Variants in PRELID3A observed in about 807,000 individuals in gnomAD.
The protein encoded by PRELID3A is PRELI domain containing protein 3A.
A neutral mutation model predicts 23.0 loss-of-function variants in PRELID3A; 27 were observed. The observed-to-expected ratio is 1.17, with a 90% CI of 0.87 to 1.62. PRELID3A has a LOEUF of 1.62. PRELID3A is among the 40% of genes most tolerant of loss of function. PRELID3A has a pLI of 0.00. For synonymous variants in PRELID3A, 87 were observed against 86.4 expected (o/e 1.01, Z -0.04); for missense variants, 231 against 231.4 (o/e 1.00, Z 0.01).
chr18:12,410,424 G>C (rs753592813), intron 1 of PRELID3A, among the ~76,000 whole-genome samples: 10 of 152,192 alleles, frequency 6.6e-5, no homozygotes, highest in Non-Finnish European at 1.0e-4. Flanking sequence ...GTGGCTGGCC[G>C]AGGATGCTGT....
In PRELID3A at chr18:12,407,999, C is replaced by A; in HGVS notation, c.24C>A (p.His8Gln). ...CAATGAAGATCTGGAGCTCGGAGCA[C>A]GTGTTTGGGTGAGGCCGGGCTGAGG... MKIWSSE[H>Q]VFGHPWDTVI... Residue 8 changes from histidine (H) to glutamine (Q), a missense_variant, in exon 1 of 7, where the codon CAC becomes CAA. By Grantham distance (24) the His-to-Gln change is conservative. Coordinates refer to ENST00000440960, the MANE Select transcript of PRELID3A (RefSeq NM_001142405.2). The A allele has an allele frequency of 7.7e-7, 1 of 1,292,910 alleles. No homozygotes were observed. Among genetic ancestry groups the A allele is most frequent in the African/African-American group, 1.5e-5 (1 of 64,722 alleles). 80.1% of individuals were successfully genotyped at this position (1,292,910 alleles called of 1,614,324 possible).
At chr18:12,425,099 C>T (rs1456953955) in intron 3 of PRELID3A, among the ~76,000 whole-genome samples, 3 of 150,930 alleles carry the variant, frequency 2.0e-5, no homozygotes, top group African/African-American at 4.9e-5. Flanking sequence ...GCTGAGATCG[C>T]GCCATTGCAC....
At chr18:12,412,533 C>G (rs1038296946) in intron 1 of PRELID3A, among the ~76,000 whole-genome samples, 1 of 152,176 alleles carries the variant, frequency 6.6e-6, no homozygotes, top group Admixed American at 6.5e-5. Flanking sequence ...CTATAGATGT[C>G]TACATAAATA....
intron 5 of PRELID3A, among the ~76,000 whole-genome samples, chr18:12,427,595 T>G (rs2030422902): frequency 6.6e-6 from 1 of 151,806 alleles, no homozygotes; most frequent in Admixed American, 6.6e-5. Context: ...CTCGAGAGTC[T>G]GAGACATGAG....
In PRELID3A at chr18:12,412,588, CA is replaced by C. The variant is rs1266907370; in HGVS notation, c.32+4582del. Among the ~76,000 whole-genome samples the C allele has an allele frequency of 3.3e-5, 5 of 152,280 alleles. No homozygotes were observed. The East Asian group carries it at 9.6e-4, about 29-fold the overall frequency. On this transcript the variant is annotated intron_variant, in intron 1 of 6. Coordinates refer to ENST00000440960, the MANE Select transcript of PRELID3A (RefSeq NM_001142405.2). The stretch of plus-strand genomic sequence containing the variant: ...ATTAATAGCTGTATGAATGTGCCAC[CA>C]TTTATTCTTTTTCTTATTGAAGGGC...
intron 1 of PRELID3A, among the ~76,000 whole-genome samples, chr18:12,415,022 T>C (rs1352351176): frequency 6.6e-6 from 1 of 152,074 alleles, no homozygotes; most frequent in Non-Finnish European, 1.5e-5. Flanking sequence ...TCAAACTGTT[T>C]GGCTTAAGTG....
At chr18:12,429,282 T>C (rs2030482911) in intron 5 of PRELID3A, 68 bp from the exon 6 acceptor site, 2 of 1,376,414 alleles carry the variant, frequency 1.5e-6, no homozygotes, top group Admixed American at 1.7e-5. Context: ...GCCTGTGGAC[T>C]TGTCGCTTGC....
intron 1 of PRELID3A, among the ~76,000 whole-genome samples, chr18:12,416,056 A>G (rs1325644317): frequency 1.3e-5 from 2 of 152,160 alleles, no homozygotes; most frequent in Non-Finnish European, 2.9e-5. Context: ...AATAAACTTC[A>G]GCACATTCCT....
Position 12,416,652 on chromosome 18 carries a change from T to C in PRELID3A, c.33-3673T>C, listed in dbSNP as rs865983583. 2.1e-3 allele frequency among the ~76,000 whole-genome samples: 289 copies of C among 140,076 alleles called. 3 individuals carry two copies. Among genetic ancestry groups the C allele is most frequent in the South Asian group, 9.0e-3 (39 of 4,356 alleles). The allele number at this position is 140,076 out of a possible 152,430, so 91.9% of individuals were successfully genotyped here. A position where few individuals can be genotyped will look rare whatever the true frequency, so the allele number is the denominator to read the frequency against. On this transcript the variant is annotated intron_variant, in intron 1 of 6. Coordinates refer to ENST00000440960, the MANE Select transcript of PRELID3A (RefSeq NM_001142405.2). ...TTCTTTTCTTTTCTTTCTTTCTTTT[T>C]TTTTTTTTTTTTAGACAGAGTCTCA...
chr18:12,409,159 GTTTTT>G (rs71371255), intron 1 of PRELID3A, among the ~76,000 whole-genome samples: 4 of 66,472 alleles, frequency 6.0e-5, no homozygotes, highest in Non-Finnish European at 1.0e-4. Flanking sequence ...CCCAGGCTGG[GTTTTT>G]TTTTTTTTTT....
chr18:12,420,249 G>T, intron 1 of PRELID3A, 76 bp from the exon 2 acceptor site: 1 of 1,503,618 alleles, frequency 6.7e-7, no homozygotes, highest in East Asian at 2.5e-5. Flanking sequence ...CAGGCCTGGC[G>T]GCGGCTTTTC....
At chr18:12,430,683 A>T (rs368140058) in intron 6 of PRELID3A, among the ~76,000 whole-genome samples, 4 of 69,392 alleles carry the variant, frequency 5.8e-5, no homozygotes, top group Admixed American at 2.8e-4. Flanking sequence ...TGTGTATGTG[A>T]TTGGTGTGTG....
chr18:12,424,223 C>G (rs2030285018), intron 3 of PRELID3A, among the ~76,000 whole-genome samples: 1 of 152,226 alleles, frequency 6.6e-6, no homozygotes, highest in Non-Finnish European at 1.5e-5. Flanking sequence ...TCCACCTTAT[C>G]CTTCCAGAAA....
intron 1 of PRELID3A, among the ~76,000 whole-genome samples, chr18:12,416,661 TTTTA>T (rs1286974474): frequency 3.4e-4 from 49 of 142,730 alleles, no homozygotes; most frequent in East Asian, 1.5e-3. Flanking sequence ...TTTTTTTTTT[TTTTA>T]GACAGAGTCT....
intron 5 of PRELID3A, 147 bp from the exon 6 acceptor site, chr18:12,429,203 T>G (rs3760549): frequency 0.086 from 57,777 of 670,266 alleles, 3,671 homozygotes; most frequent in East Asian, 0.3. Context: ...TGCCTGCCTG[T>G]GTGAAGATCA....
chr18:12,430,983 G>C (rs544710008), intron 6 of PRELID3A, among the ~76,000 whole-genome samples, 167 bp from the exon 7 acceptor site: 2 of 151,196 alleles, frequency 1.3e-5, no homozygotes, highest in African/African-American at 4.9e-5. Context: ...TGATGTGCAT[G>C]TGTGTAATGT....
At chr18:12,411,465 C>CA (rs398059054) in intron 1 of PRELID3A, among the ~76,000 whole-genome samples, 54,610 of 89,572 alleles carry the variant, frequency 0.61, 16,668 homozygotes, top group East Asian at 0.91. Flanking sequence ...GACTCCGTCT[C>CA]AAAAAAAAAA....
intron 1 of PRELID3A, among the ~76,000 whole-genome samples, chr18:12,412,430 A>C (rs1160401866): frequency 6.9e-6 from 1 of 144,392 alleles, no homozygotes; most frequent in East Asian, 2.1e-4. Context: ...TCAAGTTATC[A>C]GCCCACCTGG....
intron 1 of PRELID3A, among the ~76,000 whole-genome samples, chr18:12,409,938 C>A (rs1909855525): frequency 6.6e-6 from 1 of 152,086 alleles, no homozygotes; most frequent in Non-Finnish European, 1.5e-5. Flanking sequence ...ACACACAGTC[C>A]AGTCTTAGAA....
Sources: allele counts gnomAD v4.1 joint callset (sites outside exome capture counted in the v4.1 genomes callset), GRCh38; gene constraint gnomAD v4.1.1; transcripts MANE v1.5; gene names NCBI Gene and HGNC (gene_info 2026-07-23, HGNC 2026-07-21).